Variants in GPM6A observed in about 807,000 individuals in gnomAD.
GPM6A encodes the protein glycoprotein M6A.
GPM6A carries 7 observed loss-of-function variants against 32.1 expected under a neutral mutation model. The observed-to-expected ratio is 0.22, with a 90% CI of 0.12 to 0.41. GPM6A has a LOEUF of 0.41. Among genes scored for constraint, GPM6A ranks in the 10% least tolerant of loss-of-function variants. The probability of loss-of-function intolerance (pLI) is 1.00; values close to 1 mark genes in which losing one functional copy is unlikely to be tolerated. For synonymous variants in GPM6A, 130 were observed against 123.4 expected, an observed-to-expected ratio of 1.05 and a Z score of -0.35; for missense variants, 235 against 347.2, an observed-to-expected ratio of 0.68 and a Z score of 2.57.
At chr4:175,687,801 A>C (rs1744071423) in intron 2 of GPM6A, among the ~76,000 whole-genome samples, 1 of 152,170 alleles carries the variant, frequency 6.6e-6, no homozygotes, top group East Asian at 1.9e-4. Flanking sequence ...ATCAGTGAAC[A>C]CTAGGGTTCA....
chr4:175,936,231 G>A (rs1166143881), intron 1 of GPM6A, among the ~76,000 whole-genome samples: 10 of 136,052 alleles, frequency 7.4e-5, no homozygotes, highest in South Asian at 5.1e-4. Context: ...GCGTAAACCC[G>A]GGAGGCAGAG....
intron 2 of GPM6A, among the ~76,000 whole-genome samples, chr4:175,695,092 G>T (rs1316113908): frequency 2.0e-5 from 3 of 151,672 alleles, no homozygotes; most frequent in Non-Finnish European, 4.4e-5. Flanking sequence ...GTTGAGGTTT[G>T]GAAGCCTCTG....
At chr4:175,903,850 T>C (rs1738041937) in intron 1 of GPM6A, among the ~76,000 whole-genome samples, 1 of 151,852 alleles carries the variant, frequency 6.6e-6, no homozygotes, top group African/African-American at 2.4e-5. Flanking sequence ...AAGGAAAAAA[T>C]TGGGACAGCC....
chr4:175,708,847 C>T (rs1386495596), intron 1 of GPM6A, among the ~76,000 whole-genome samples: 1 of 152,120 alleles, frequency 6.6e-6, no homozygotes, highest in Admixed American at 6.6e-5. Context: ...GAAGTTTATA[C>T]CAGCCTTGTA....
At chr4:175,746,488 T>A (rs1732109743) in intron 1 of GPM6A, among the ~76,000 whole-genome samples, 1 of 152,194 alleles carries the variant, frequency 6.6e-6, no homozygotes, top group Admixed American at 6.5e-5. Context: ...AATCTAATTT[T>A]TTTTAAATTT....
chr4:175,890,825 G>A (rs1446294194), intron 1 of GPM6A, among the ~76,000 whole-genome samples: 1 of 151,876 alleles, frequency 6.6e-6, no homozygotes, highest in East Asian at 1.9e-4. Context: ...CAAAGTGCTG[G>A]GATTACAGGC....
chr4:175,739,450 C>T (rs753758489), intron 1 of GPM6A, among the ~76,000 whole-genome samples: 18 of 152,254 alleles, frequency 1.2e-4, no homozygotes, highest in Middle Eastern at 6.8e-3. Flanking sequence ...TCTAAGCCTA[C>T]AGATGACTAA....
At chr4:175,889,420 G>C (rs1470407946) in intron 1 of GPM6A, among the ~76,000 whole-genome samples, 1 of 151,918 alleles carries the variant, frequency 6.6e-6, no homozygotes, top group East Asian at 1.9e-4. Flanking sequence ...ACATACTCTG[G>C]AGGCTACGGC....
chr4:175,767,954 G>A (rs1414699163), intron 1 of GPM6A, among the ~76,000 whole-genome samples: 1 of 152,170 alleles, frequency 6.6e-6, no homozygotes, highest in Non-Finnish European at 1.5e-5. Flanking sequence ...CTGCTTGGGA[G>A]ATTCAAGCAG....
chr4:175,698,005 C>T (rs1744673021), intron 2 of GPM6A, among the ~76,000 whole-genome samples: 1 of 152,114 alleles, frequency 6.6e-6, no homozygotes, highest in Admixed American at 6.6e-5. Flanking sequence ...TTGCTGTTGC[C>T]TTTCATGTCT....
chr4:175,697,510 G>A (rs1362776960), intron 2 of GPM6A, among the ~76,000 whole-genome samples: 1 of 152,134 alleles, frequency 6.6e-6, no homozygotes, highest in African/African-American at 2.4e-5. Flanking sequence ...GTTGTGATTA[G>A]AGTGTAGAAA....
At chr4:175,727,271 A>C (rs911405802) in intron 1 of GPM6A, among the ~76,000 whole-genome samples, 1 of 152,230 alleles carries the variant, frequency 6.6e-6, no homozygotes, top group Non-Finnish European at 1.5e-5. Context: ...TCACAAAAGC[A>C]ACCTAGTAGA....
chr4:175,812,846 T>C, upstream of GPM6A: 1 of 985,350 alleles, frequency 1.0e-6, no homozygotes, highest in Non-Finnish European at 1.2e-6. Context: ...TCCTTTTCTC[T>C]CCTCACTAAG....
intron 1 of GPM6A, among the ~76,000 whole-genome samples, chr4:175,914,163 G>GC (rs1560991379): frequency 6.6e-6 from 1 of 151,690 alleles, no homozygotes; most frequent in Non-Finnish European, 1.5e-5. Context: ...AAAATGTGTG[G>GC]GGGGGGTAGG....
intron 1 of GPM6A, among the ~76,000 whole-genome samples, chr4:175,717,995 A>G (rs1322123605): frequency 6.6e-6 from 1 of 152,212 alleles, no homozygotes; most frequent in East Asian, 1.9e-4. Context: ...AGTATAGCAT[A>G]AATGTGCCCT....
intron 1 of GPM6A, among the ~76,000 whole-genome samples, chr4:175,885,430 G>C (rs918810944): frequency 6.6e-6 from 1 of 152,212 alleles, no homozygotes; most frequent in Admixed American, 6.5e-5. Flanking sequence ...AGGAATTGGA[G>C]ACCAACTTGG....
intron 1 of GPM6A, among the ~76,000 whole-genome samples, chr4:175,946,993 C>T (rs1026953763): frequency 6.6e-6 from 1 of 152,090 alleles, no homozygotes; most frequent in Admixed American, 6.5e-5. Context: ...TAAGAGCCTG[C>T]ATTTGAAAAT....
At chr4:175,757,581 G>A (rs866344570) in intron 1 of GPM6A, among the ~76,000 whole-genome samples, 6 of 152,080 alleles carry the variant, frequency 3.9e-5, no homozygotes, top group African/African-American at 1.4e-4. Flanking sequence ...GCAAAGACTA[G>A]GTTCAAAATG....
intron 1 of GPM6A, among the ~76,000 whole-genome samples, chr4:175,710,895 T>C (rs1745489738): frequency 6.6e-6 from 1 of 152,190 alleles, no homozygotes; most frequent in Non-Finnish European, 1.5e-5. Flanking sequence ...ACCTCCAGTC[T>C]CAGGCTGAAC....
Sources: allele counts gnomAD v4.1 joint callset (sites outside exome capture counted in the v4.1 genomes callset), GRCh38; gene constraint gnomAD v4.1.1; transcripts MANE v1.5; gene names NCBI Gene and HGNC (gene_info 2026-07-23, HGNC 2026-07-21).